Variants in CAPN5 observed in about 807,000 individuals in gnomAD.
The protein encoded by CAPN5 is calpain 5.
Under a neutral mutation model 73.0 loss-of-function variants are expected in CAPN5, and 54 were observed. That is an observed-to-expected ratio of 0.74 (90% CI 0.59 to 0.93). The LOEUF is 0.93. Among genes scored for constraint, CAPN5 ranks in the 40% least tolerant of loss-of-function variants. CAPN5 has a pLI of 0.00. For missense variants in CAPN5, 785 were observed against 882.9 expected (o/e 0.89, Z 1.41); for synonymous variants, 335 against 356.9 (o/e 0.94, Z 0.69).
intron 11 of CAPN5, 109 bp downstream of exon 11, chr11:77,122,158 C>T (rs1950526009): frequency 3.2e-6 from 2 of 629,712 alleles, no homozygotes; most frequent in Non-Finnish European, 2.7e-6. Context: ...AGAGGCACTG[C>T]AGGCCTGGCC....
rs1049929889 is a variant in CAPN5 at position 77,115,706 on chromosome 11, A to G, written c.893+118A>G. ...CTTGAAGGATCTGGGGGAGGATGAC[A>G]CTAGGAACGAAGAAGGGAGAATTAC... On this transcript the variant is annotated intron_variant, in intron 6 of 12. Transcript: ENST00000648180. The G allele has an allele frequency of 8.0e-5, 60 of 752,170 alleles. No individual in the cohort carries two copies. The African/African-American group carries it at 1.0e-3, about 13-fold the overall frequency. 46.6% of individuals were successfully genotyped at this position (752,170 alleles called of 1,614,324 possible). A position where few individuals can be genotyped will look rare whatever the true frequency, so the allele number is the denominator to read the frequency against.
chr11:77,115,718 G>A, intron 6 of CAPN5, 130 bp downstream of exon 6: 1 of 703,510 alleles, frequency 1.4e-6, no homozygotes, highest in Admixed American at 2.8e-5. Context: ...TAGGAACGAA[G>A]AAGGGAGAAT....
chr11:77,088,181 TGGGGGA>T, intron 2 of CAPN5: 14 of 910,144 alleles, frequency 1.5e-5, no homozygotes, highest in Non-Finnish European at 2.0e-5. Flanking sequence ...CAAGGTGGGG[TGGGGGA>T]GGGGGACTAA....
chr11:77,114,444 C>G lies in CAPN5; in HGVS notation c.699+10C>G, dbSNP rs782239309. On this transcript the variant is annotated intron_variant, in intron 5 of 12. Transcript: ENST00000648180. ...CAGTGCCTCCATCAAGGTGAGAACA[C>G]GGCAGTCCCCAGAGGCGACCCCTCC... 10 of 1,612,564 alleles carry G rather than the reference C, an allele frequency of 6.2e-6. No individual in the cohort carries two copies. Among genetic ancestry groups the G allele is most frequent in the Non-Finnish European group, 8.5e-6 (10 of 1,178,728 alleles).
chr11:77,087,811 G>GA, intron 2 of CAPN5: 1 of 1,253,976 alleles, frequency 8.0e-7, no homozygotes, highest in Admixed American at 2.3e-5. Context: ...GAGCCACCTT[G>GA]GTTGGGACAT....
At chr11:77,108,111 G>C (rs1310490396) in intron 3 of CAPN5, among the ~76,000 whole-genome samples, 1 of 152,204 alleles carries the variant, frequency 6.6e-6, no homozygotes, top group African/African-American at 2.4e-5. Context: ...AGTGTGTACA[G>C]GTCACCAGCC....
intron 7 of CAPN5, among the ~76,000 whole-genome samples, chr11:77,116,640 T>G (rs1234090206): frequency 6.6e-6 from 1 of 152,148 alleles, no homozygotes; most frequent in Non-Finnish European, 1.5e-5. Context: ...TAAGGAGGCA[T>G]GAAGCACAGT....
chr11:77,115,113 GGAATATTTAACAATTTAAATATTCCC>G (rs1358149275), intron 5 of CAPN5, among the ~76,000 whole-genome samples: 8 of 152,016 alleles, frequency 5.3e-5, no homozygotes, highest in East Asian at 3.9e-4. Context: ...AACAATTCCT[GGAATATTTAACAATTTAAATATTCCC>G]GAATATTTAA....
rs76874293 is a variant in CAPN5, at chr11:77,113,555, T to C, written c.507-687T>C. Among the ~76,000 whole-genome samples, 386 of 151,798 alleles carry C rather than the reference T, an allele frequency of 2.5e-3. 1 individual carries two copies. The highest frequency in any genetic ancestry group is 8.9e-3 in the African/African-American group (369 of 41,324). Reference sequence around the variant, plus strand: ...CAATCTTGCTGAAAAAATGTGTGTGTAGGGGCAGGAGCAAGGAGAGAGAGA... The same window carrying C: ...CAATCTTGCTGAAAAAATGTGTGTGCAGGGGCAGGAGCAAGGAGAGAGAGA... On this transcript the variant is annotated intron_variant, in intron 4 of 12. Transcript: ENST00000648180.
chr11:77,090,498 C>T (rs955389375), intron 2 of CAPN5, among the ~76,000 whole-genome samples: 66 of 152,340 alleles, frequency 4.3e-4, no homozygotes, highest in African/African-American at 1.6e-3. Flanking sequence ...GGGAGCCCAG[C>T]AGACCTAGGG....
In CAPN5 at chr11:77,115,412, C is replaced by T; in HGVS notation, c.717C>T (p.Asp239=). Residue 239 remains aspartate, a synonymous_variant, in exon 6 of 13, where the codon GAC becomes GAT. Transcript: ENST00000648180. Reference sequence around the variant, plus strand: ...CTCCACAGGCAGTGACAGCAGCTGACATGGAGGCCCGCCTGGCGTGCGGCC... The same window carrying T: ...CTCCACAGGCAGTGACAGCAGCTGATATGGAGGCCCGCCTGGCGTGCGGCC... ...SASIKAVTAA[D]MEARLACGLV... is the part of the protein sequence containing the mutation. 1.2e-6 allele frequency: 2 copies of T among 1,604,164 alleles called. No homozygotes were observed. Among genetic ancestry groups the T allele is most frequent in the Non-Finnish European group, 1.7e-6 (2 of 1,172,926 alleles).
At position 77,123,740 on chromosome 11, in the gene CAPN5, A is replaced by G. The variant is rs1555043333; in HGVS notation, c.1793A>G (p.Lys598Arg). 1 of 1,613,630 alleles carries G rather than the reference A, an allele frequency of 6.2e-7. No individual in the cohort carries two copies. Among genetic ancestry groups the G allele is most frequent in the Admixed American group, 1.7e-5 (1 of 59,970 alleles). ...GAATTTCTGGGCCAGGTGCACCTAAAGGCTGACCCGGACAACCTCCAGGCC... is the reference window on the plus strand; with the variant it reads ...GAATTTCTGGGCCAGGTGCACCTAAGGGCTGACCCGGACAACCTCCAGGCC... ...KDEFLGQVHLKADPDNLQALH... is the reference protein window; with the variant it reads ...KDEFLGQVHLRADPDNLQALH... Residue 598 changes from lysine to arginine, a missense_variant, in exon 13 of 13, where the codon AAG becomes AGG. Physicochemically the swap from Lys to Arg is conservative, Grantham distance 26 (BLOSUM62 2). Transcript: ENST00000648180.
Position 77,122,046 on chromosome 11 carries a change from A to G in CAPN5, c.1600A>G (p.Thr534Ala), listed in dbSNP as rs1424438375. ...LGAAGLKDSP[T>A]GANSYVIIKC... ...AGCTGCTGGCCTCAAGGACTCCCCA[A>G]CAGGTGAGCTCTCCCAGGGAGAGTC... The change falls in exon 11 of 13, where the codon ACA becomes GCA. Residue 534 changes from threonine (T) to alanine (A), a missense_variant. Coordinates refer to ENST00000648180, the MANE Select transcript of CAPN5 (RefSeq NM_004055.5). 6 of 1,541,706 alleles carry G rather than the reference A, an allele frequency of 3.9e-6. No individual in the cohort carries two copies. Among genetic ancestry groups the G allele is most frequent in the Admixed American group, 2.0e-5 (1 of 50,938 alleles).
At chr11:77,072,928 G>A in intron 1 of CAPN5, 1 of 391,224 alleles carries the variant, frequency 2.6e-6, no homozygotes, top group Non-Finnish European at 4.9e-6. Flanking sequence ...AGCTTTCCTG[G>A]GCTCACACAG....
At chr11:77,076,990 A>G (rs1409188326) in intron 1 of CAPN5, among the ~76,000 whole-genome samples, 1 of 152,244 alleles carries the variant, frequency 6.6e-6, no homozygotes, top group Non-Finnish European at 1.5e-5. Flanking sequence ...CCAACAGCGT[A>G]CAAGGGTTTC....
chr11:77,090,317 ACAGCAAGT>A (rs1555036268), intron 2 of CAPN5, among the ~76,000 whole-genome samples: 1 of 152,162 alleles, frequency 6.6e-6, no homozygotes, highest in African/African-American at 2.4e-5. Flanking sequence ...CTGCTCTGCC[ACAGCAAGT>A]CAGGGTGATG....
At chr11:77,068,168 G>A (rs925694724) in intron 1 of CAPN5, among the ~76,000 whole-genome samples, 1 of 152,150 alleles carries the variant, frequency 6.6e-6, no homozygotes. Flanking sequence ...CAGGGTCCTC[G>A]GGCTGGTCCT....
intron 1 of CAPN5, among the ~76,000 whole-genome samples, chr11:77,072,023 G>A (rs1949911829): frequency 6.6e-6 from 1 of 152,160 alleles, no homozygotes; most frequent in Admixed American, 6.5e-5. Context: ...CCTATAGCCT[G>A]GCCTCCCTGC....
chr11:77,083,421 C>T (rs1182697849), intron 1 of CAPN5, among the ~76,000 whole-genome samples: 2 of 152,298 alleles, frequency 1.3e-5, no homozygotes, highest in African/African-American at 2.4e-5. Flanking sequence ...TAAGTGAGAG[C>T]GGCAGGGTCA....
Sources: allele counts gnomAD v4.1 joint callset (sites outside exome capture counted in the v4.1 genomes callset), GRCh38; gene constraint gnomAD v4.1.1; transcripts MANE v1.5; gene names NCBI Gene and HGNC (gene_info 2026-07-23, HGNC 2026-07-21).